Variants in RASGRP1 observed in about 807,000 individuals in gnomAD.
The protein encoded by RASGRP1 is RAS guanyl releasing protein 1, also known as RAS guanyl-releasing protein 1.
In RASGRP1, 37 loss-of-function variants were observed where a neutral mutation model predicts 95.1. The observed-to-expected ratio is 0.39, with a 90% confidence interval of 0.30 to 0.51. The LOEUF (loss-of-function observed/expected upper bound fraction) is 0.51, where lower values mean the gene tolerates loss of function less well. Ranked by LOEUF, RASGRP1 falls within the 20% of genes least tolerant of loss-of-function variation. The pLI is 0.80. For synonymous variants in RASGRP1, 325 were observed against 353.4 expected (o/e 0.92, Z 0.90); for missense variants, 711 against 965.4 (o/e 0.74, Z 3.49).
At chr15:38,545,609 G>A (rs1893076147) in intron 2 of RASGRP1, among the ~76,000 whole-genome samples, 1 of 151,874 alleles carries the variant, frequency 6.6e-6, no homozygotes, top group Non-Finnish European at 1.5e-5. Flanking sequence ...ATGATTTACA[G>A]CTGTTAGTGC....
intron 2 of RASGRP1, among the ~76,000 whole-genome samples, chr15:38,541,766 G>C (rs933054463): frequency 6.6e-5 from 10 of 152,160 alleles, no homozygotes; most frequent in African/African-American, 9.7e-5. Context: ...TAGGTACTGT[G>C]GGATTGCAGA....
chr15:38,492,244 G>C (rs753750972), intron 16 of RASGRP1, among the ~76,000 whole-genome samples: 14 of 152,330 alleles, frequency 9.2e-5, no homozygotes, highest in Non-Finnish European at 1.5e-4. Flanking sequence ...CTGAGCAAGA[G>C]AGTACCATTC....
chr15:38,500,696 C>T (rs189163080), intron 13 of RASGRP1, among the ~76,000 whole-genome samples: 3 of 152,172 alleles, frequency 2.0e-5, no homozygotes, highest in East Asian at 3.9e-4. Flanking sequence ...GATGAATCAT[C>T]GGGCAAACAG....
rs1892220834 is a variant in RASGRP1, at chr15:38,526,382, T to C, written c.243A>G (p.Arg81=). The change falls in exon 3 of 17, where the codon CGA becomes CGG. Residue 81 remains arginine (R), a synonymous_variant. Transcript: ENST00000310803. ...QSFDADGNLC[R]SNQLLQVMLT... is the part of the protein sequence containing the mutation. ...GCATGACTTGCAACAGTTGGTTACT[T>C]CGACACAGGTTTCCATCTGCATCTG... The C allele has an allele frequency of 9.3e-6, 15 of 1,613,138 alleles. No individual in the cohort carries two copies. Among genetic ancestry groups the C allele is most frequent in the Non-Finnish European group, 1.3e-5 (15 of 1,179,342 alleles).
At chr15:38,564,116 G>A (rs569416665) in intron 1 of RASGRP1, among the ~76,000 whole-genome samples, 1 of 152,340 alleles carries the variant, frequency 6.6e-6, no homozygotes, top group Admixed American at 6.5e-5. Flanking sequence ...GTGGGGCAGG[G>A]GCAACCGAGG....
intron 6 of RASGRP1, 26 bp downstream of exon 6, chr15:38,516,171 T>C: frequency 6.5e-7 from 1 of 1,546,266 alleles, no homozygotes; most frequent in Non-Finnish European, 8.9e-7. Context: ...CAGGGAAGAT[T>C]TTTCTCCTGC....
At chr15:38,526,107 C>T (rs768795819) in intron 3 of RASGRP1, among the ~76,000 whole-genome samples, 192 bp downstream of exon 3, 5 of 152,120 alleles carry the variant, frequency 3.3e-5, no homozygotes, top group Non-Finnish European at 7.4e-5. Flanking sequence ...GCATCAATAA[C>T]ATTGCCCCAC....
intron 2 of RASGRP1, among the ~76,000 whole-genome samples, chr15:38,555,073 A>T (rs921232588): frequency 6.6e-6 from 1 of 152,220 alleles, no homozygotes; most frequent in Admixed American, 6.5e-5. Flanking sequence ...GAGTGGTAAG[A>T]AATACCTAAT....
intron 2 of RASGRP1, among the ~76,000 whole-genome samples, chr15:38,558,948 G>A (rs1472715986): frequency 6.6e-6 from 1 of 152,064 alleles, no homozygotes; most frequent in African/African-American, 2.4e-5. Context: ...GGCTTGGGGG[G>A]GTTGGTATGT....
chr15:38,551,021 C>G (rs1191051475), intron 2 of RASGRP1, among the ~76,000 whole-genome samples: 1 of 152,118 alleles, frequency 6.6e-6, no homozygotes, highest in Non-Finnish European at 1.5e-5. Flanking sequence ...AAAATATTAA[C>G]ATAAACACTG....
At chr15:38,562,222 C>G (rs1423114616) in intron 1 of RASGRP1, among the ~76,000 whole-genome samples, 2 of 152,342 alleles carry the variant, frequency 1.3e-5, no homozygotes, top group Middle Eastern at 3.4e-3. Context: ...CAAAATCCTT[C>G]AAAAGCATAA....
chr15:38,502,813 T>C, intron 11 of RASGRP1: 1 of 232,490 alleles, frequency 4.3e-6, no homozygotes, highest in South Asian at 8.0e-5. Context: ...GTTAATCCTC[T>C]TGTTTCTCAC....
intron 2 of RASGRP1, among the ~76,000 whole-genome samples, chr15:38,552,667 G>A (rs2141187093): frequency 6.6e-6 from 1 of 152,288 alleles, no homozygotes; most frequent in East Asian, 1.9e-4. Flanking sequence ...TTAGGAAGTG[G>A]TGAGTTTTGA....
In RASGRP1 at chr15:38,549,833, A is replaced by C. The variant is rs552820490; in HGVS notation, c.220+9988T>G. 2.5e-4 allele frequency among the ~76,000 whole-genome samples: 38 copies of C among 152,136 alleles called. 2 individuals are homozygous for C. In the South Asian group the frequency reaches 6.9e-3, roughly 28 times the overall value. ...TTGACTACTCTTTGGGGAAAAAAAAACAAGTAGTTAACATGGCTTCCTTCA... is the reference window on the plus strand; with the variant it reads ...TTGACTACTCTTTGGGGAAAAAAAACCAAGTAGTTAACATGGCTTCCTTCA... On this transcript the variant is annotated intron_variant, in intron 2 of 16. Transcript: ENST00000310803.
chr15:38,530,594 A>G (rs1022208846), intron 2 of RASGRP1, among the ~76,000 whole-genome samples: 1 of 152,202 alleles, frequency 6.6e-6, no homozygotes, highest in Non-Finnish European at 1.5e-5. Context: ...ACTGTGACAT[A>G]TACTTGTAGG....
chr15:38,538,244 A>G (rs1216281062), intron 2 of RASGRP1, among the ~76,000 whole-genome samples: 1 of 152,158 alleles, frequency 6.6e-6, no homozygotes, highest in Admixed American at 6.5e-5. Context: ...AGCCTGGGGG[A>G]TAGAGCAAGA....
intron 7 of RASGRP1, among the ~76,000 whole-genome samples, 198 bp downstream of exon 7, chr15:38,512,585 C>A (rs149036174): frequency 9.1e-4 from 138 of 152,320 alleles, no homozygotes; most frequent in Middle Eastern, 3.4e-3. Flanking sequence ...ATGGCCCCCT[C>A]CCCTCCACAC....
At chr15:38,557,593 GTA>G (rs1202765009) in intron 2 of RASGRP1, among the ~76,000 whole-genome samples, 1 of 139,498 alleles carries the variant, frequency 7.2e-6, no homozygotes, top group Non-Finnish European at 1.5e-5. Context: ...CCTGTCCTTT[GTA>G]TATATATGTG....
chr15:38,499,604 T>C (rs989740185), intron 14 of RASGRP1, among the ~76,000 whole-genome samples: 1 of 152,178 alleles, frequency 6.6e-6, no homozygotes, highest in Non-Finnish European at 1.5e-5. Context: ...GGAAACCACT[T>C]TGGGGATGAG....
Sources: gnomAD v4.1 joint callset for allele counts (sites outside exome capture counted in the v4.1 genomes callset) on GRCh38, gnomAD v4.1.1 for gene constraint, MANE v1.5 for transcripts, NCBI Gene and HGNC (gene_info 2026-07-23, HGNC 2026-07-21) for gene names.